Variants in TRIM24 observed in about 807,000 individuals in gnomAD.
TRIM24 encodes tripartite motif containing 24.
Under a neutral mutation model 123.9 loss-of-function variants are expected in TRIM24, and 29 were observed. That is an observed-to-expected ratio of 0.23 (90% CI 0.17 to 0.32). TRIM24 has a LOEUF of 0.32. TRIM24 is among the 10% of genes least tolerant of loss of function. TRIM24 has a pLI of 1.00. For missense variants in TRIM24, 932 were observed against 1,295.3 expected (o/e 0.72, Z 4.31); for synonymous variants, 456 against 461.1 (o/e 0.99, Z 0.14).
intron 7 of TRIM24, among the ~76,000 whole-genome samples, chr7:138,547,834 C>T (rs528785516): frequency 5.0e-4 from 76 of 152,132 alleles, no homozygotes; most frequent in South Asian, 2.1e-3. Flanking sequence ...TTAGTAGAGA[C>T]GGGGTTTCAT....
chr7:138,521,695 A>C (rs772940631), intron 4 of TRIM24, among the ~76,000 whole-genome samples: 1 of 152,180 alleles, frequency 6.6e-6, no homozygotes, highest in Non-Finnish European at 1.5e-5. Flanking sequence ...AAAATGTGCT[A>C]TTTTCTTTTT....
chr7:138,511,501 G>A (rs1418128342), intron 2 of TRIM24, among the ~76,000 whole-genome samples: 1 of 151,968 alleles, frequency 6.6e-6, no homozygotes, highest in African/African-American at 2.4e-5. Flanking sequence ...TGTTAGCCAA[G>A]CTGGTCTCGA....
intron 1 of TRIM24, among the ~76,000 whole-genome samples, chr7:138,502,005 G>A (rs1276586110): frequency 6.6e-6 from 1 of 152,140 alleles, no homozygotes; most frequent in African/African-American, 2.4e-5. Context: ...TACATCTGGG[G>A]CTTGGGAATG....
chr7:138,472,062 T>G (rs958475084), intron 1 of TRIM24, among the ~76,000 whole-genome samples: 1 of 151,452 alleles, frequency 6.6e-6, no homozygotes, highest in Non-Finnish European at 1.5e-5. Flanking sequence ...GGTGGAGAGA[T>G]AGATAGTGAA....
intron 9 of TRIM24, among the ~76,000 whole-genome samples, chr7:138,565,103 G>A (rs955986228): frequency 7.9e-5 from 12 of 152,072 alleles, no homozygotes; most frequent in South Asian, 6.2e-4. Context: ...TATGGTCTAC[G>A]CTAAGAGAAC....
chr7:138,537,218 G>A (rs908136598), intron 6 of TRIM24, among the ~76,000 whole-genome samples: 55 of 152,034 alleles, frequency 3.6e-4, no homozygotes, highest in African/African-American at 1.3e-3. Context: ...CTGTACCCAC[G>A]GTCCTGCACC....
intron 9 of TRIM24, among the ~76,000 whole-genome samples, chr7:138,558,359 C>T (rs1322914802): frequency 6.6e-6 from 1 of 152,198 alleles, no homozygotes; most frequent in Admixed American, 6.5e-5. Flanking sequence ...GCGAACAATG[C>T]AGAATCTCCC....
chr7:138,569,956 T>TTA (rs1359578669), intron 10 of TRIM24, among the ~76,000 whole-genome samples: 1 of 151,690 alleles, frequency 6.6e-6, no homozygotes, highest in Non-Finnish European at 1.5e-5. Context: ...CTTTTTTTTT[T>TTA]TTTTTTTGAG....
At chr7:138,508,708 C>CATGTGCGT (rs1554436688) in intron 2 of TRIM24, among the ~76,000 whole-genome samples, 2 of 136,286 alleles carry the variant, frequency 1.5e-5, no homozygotes, top group African/African-American at 2.7e-5. Flanking sequence ...CGCGTGTGTG[C>CATGTGCGT]GTGTGTGTGT....
chr7:138,546,351 A>G (rs939236450), intron 7 of TRIM24, among the ~76,000 whole-genome samples: 10 of 152,340 alleles, frequency 6.6e-5, no homozygotes, highest in African/African-American at 2.4e-4. Context: ...AACGAAAGGG[A>G]AAGACTGAGC....
intron 9 of TRIM24, among the ~76,000 whole-genome samples, chr7:138,560,050 A>G (rs1443434004): frequency 1.3e-5 from 2 of 152,168 alleles, no homozygotes; most frequent in African/African-American, 4.8e-5. Context: ...GGCCAACCGA[A>G]CAAGATCTCA....
chr7:138,508,700 C>CGCGCGCGCGCGCGTGTGCGTGTGT lies in TRIM24; in HGVS notation c.483+4293_483+4294insCGCGCGCGCGCGTGTGCGTGTGTG, dbSNP rs1182276337. On this transcript the variant is annotated intron_variant, in intron 2 of 18. Transcript: ENST00000343526. Reference sequence around the variant, plus strand: ...GTGTGTGTGTGTGTGTGTGCGCGCGCGTGTGTGCGTGTGTGTGTGCGTGTG... The same window carrying CGCGCGCGCGCGCGTGTGCGTGTGT: ...GTGTGTGTGTGTGTGTGTGCGCGCGCGCGCGCGCGCGCGTGTGCGTGTGTGTGTGTGCGTGTGTGTGTGCGTGTG... Among the ~76,000 whole-genome samples the CGCGCGCGCGCGCGTGTGCGTGTGT allele has an allele frequency of 8.4e-4, 30 of 35,574 alleles. No individual in the cohort carries two copies. The East Asian group carries it at 0.012, about 14-fold the overall frequency. The allele number at this position is 35,574 out of a possible 152,430, so 23.3% of individuals were successfully genotyped here.
chr7:138,537,393 T>TTG (rs1262076800), intron 6 of TRIM24, among the ~76,000 whole-genome samples: 4 of 131,700 alleles, frequency 3.0e-5, no homozygotes, highest in Admixed American at 7.8e-5. Flanking sequence ...TTTTTTTTTT[T>TTG]TTTTTTTTTT....
chr7:138,554,042 C>T lies in TRIM24; in HGVS notation c.1262-656C>T, dbSNP rs1335290438. ...CCTCCATGTGGCAACCTTCATTTAA[C>T]ACAAAGCAAAAGGCATCCATCCCCA... On this transcript the variant is annotated intron_variant, in intron 8 of 18. Transcript: ENST00000343526. The surrounding 1 kb of genome is among the most constrained non-coding windows in gnomAD (Gnocchi z 4.5). 6.6e-6 allele frequency among the ~76,000 whole-genome samples: 1 copy of T among 152,224 alleles called. No individual in the cohort carries two copies. The highest frequency in any genetic ancestry group is 1.5e-5 in the Non-Finnish European group (1 of 68,042).
chr7:138,554,224 A>C lies in TRIM24; in HGVS notation c.1262-474A>C, dbSNP rs1243727007. 6.6e-6 allele frequency among the ~76,000 whole-genome samples: 1 copy of C among 152,178 alleles called. No individual in the cohort carries two copies. The highest frequency in any genetic ancestry group is 2.4e-5 in the African/African-American group (1 of 41,444). On this transcript the variant is annotated intron_variant, in intron 8 of 18. Coordinates refer to ENST00000343526, the MANE Select transcript of TRIM24 (RefSeq NM_015905.3). The surrounding 1 kb of genome is among the most constrained non-coding windows in gnomAD (Gnocchi z 4.5). ...ACAGGGTCACTCACAGGGTACACTTAAGTTATTGCTGTCAGGTGCTGTCTG... is the reference window on the plus strand; with the variant it reads ...ACAGGGTCACTCACAGGGTACACTTCAGTTATTGCTGTCAGGTGCTGTCTG...
At chr7:138,494,327 C>T (rs772062930) in intron 1 of TRIM24, among the ~76,000 whole-genome samples, 8 of 152,088 alleles carry the variant, frequency 5.3e-5, no homozygotes, top group Admixed American at 1.3e-4. Context: ...CTGTGTTGCC[C>T]AGGCTGCTCT....
intron 1 of TRIM24, among the ~76,000 whole-genome samples, chr7:138,486,803 T>C (rs568415708): frequency 4.1e-4 from 63 of 152,310 alleles, no homozygotes; most frequent in African/African-American, 1.5e-3. Flanking sequence ...TTGCTTAGGA[T>C]TGTCTTGGCA....
chr7:138,509,149 A>G (rs1191027441), intron 2 of TRIM24, among the ~76,000 whole-genome samples: 1 of 151,458 alleles, frequency 6.6e-6, no homozygotes, highest in Non-Finnish European at 1.5e-5. Context: ...GGGTTTCTCC[A>G]TGTTGGCCAG....
At chr7:138,505,930 G>C (rs1000796120) in intron 2 of TRIM24, among the ~76,000 whole-genome samples, 3 of 152,112 alleles carry the variant, frequency 2.0e-5, no homozygotes, top group African/African-American at 7.2e-5. Flanking sequence ...TCTACTTTTG[G>C]ATCTTGATTC....
Sources: gnomAD v4.1 joint callset for allele counts (sites outside exome capture counted in the v4.1 genomes callset) on GRCh38, gnomAD v4.1.1 for gene constraint, Gnocchi (gnomAD v3.1) non-coding constraint, MANE v1.5 for transcripts, NCBI Gene and HGNC (gene_info 2026-07-23, HGNC 2026-07-21) for gene names.